KIF26B: variants seen among roughly 807,000 people sequenced by gnomAD.
The protein encoded by KIF26B is kinesin family member 26B.
In KIF26B, 63 loss-of-function variants were observed where a neutral mutation model predicts 151.2. The ratio of observed to expected loss-of-function variants is 0.42; its 90% CI spans 0.34 to 0.51. KIF26B has a LOEUF of 0.51. Among genes scored for constraint, KIF26B ranks in the 20% least tolerant of loss-of-function variants. The pLI is 0.07. For missense variants in KIF26B, 2,813 were observed against 2,913.6 expected (o/e 0.97, Z 0.79); for synonymous variants, 1,357 against 1,262.1 (o/e 1.08, Z -1.59).
chr1:245,521,331 A>G (rs1572103837), intron 4 of KIF26B, among the ~76,000 whole-genome samples: 2 of 144,084 alleles, frequency 1.4e-5, no homozygotes, highest in East Asian at 2.2e-4. Flanking sequence ...ACAGAGCGAG[A>G]CTCCGTCTTA....
At chr1:245,276,500 T>G (rs901821346) in intron 2 of KIF26B, among the ~76,000 whole-genome samples, 28 of 152,198 alleles carry the variant, frequency 1.8e-4, no homozygotes, top group African/African-American at 6.5e-4. Flanking sequence ...CCATTTCCTT[T>G]ATTCTCAGCA....
rs749989555 is a variant in KIF26B, at chr1:245,685,458, C to T, written c.2475C>T (p.Arg825=). 1.9e-6 allele frequency: 3 copies of T among 1,613,574 alleles called. No homozygotes were observed. The African/African-American group carries it at 4.0e-5, about 22-fold the overall frequency. Residue 825 remains arginine, a synonymous_variant, in exon 12 of 15, where the codon CGC becomes CGT. Coordinates refer to ENST00000407071, the MANE Select transcript of KIF26B (RefSeq NM_018012.4). ...GCTCCTGCGAAGAAGGCCGCATGCG[C>T]AGGCCCACCCAGCTGAGACCCTTCC... The part of the protein sequence containing the change: ...GESSCEEGRM[R]RPTQLRPFHT...
Position 245,155,321 on chromosome 1 carries a change from GCTGAGAGCCAGCCCC to G in KIF26B, c.-100_-86del, listed in dbSNP as rs2103514259. On this transcript the variant is annotated 5_prime_UTR_variant, in exon 1 of 15. Transcript: ENST00000407071. ...CCGCTGAAGAAACCTTGCCCTGAGG[GCTGAGAGCCAGCCCC>G]CTGCAGCCGGGGGACGCTTCTGGGT... 1 of 918,376 alleles carries G rather than the reference GCTGAGAGCCAGCCCC, an allele frequency of 1.1e-6. No homozygotes were observed. The highest frequency in any genetic ancestry group is 1.7e-6 in the Non-Finnish European group (1 of 579,954). The allele number at this position is 918,376 out of a possible 1,614,324, so 56.9% of individuals were successfully genotyped here.
At position 245,640,144 on chromosome 1, in the gene KIF26B, T is replaced by TCTCTCTCTCTCTCTCTCTCTCTCTCTAA. The variant is rs1558247536; in HGVS notation, c.2099-5977_2099-5976insCTCTCTCTCTCTCTCTCTCTCTCTCTAA. 3.0e-4 allele frequency among the ~76,000 whole-genome samples: 22 copies of TCTCTCTCTCTCTCTCTCTCTCTCTCTAA among 73,242 alleles called. 1 individual carries two copies. The highest frequency in any genetic ancestry group is 1.3e-3 in the African/African-American group (21 of 16,224). The allele number at this position is 73,242 out of a possible 152,430, so 48.0% of individuals were successfully genotyped here. A position where few individuals can be genotyped will look rare whatever the true frequency, so the allele number is the denominator to read the frequency against. ...TTTGCTCTCTCTCTCTCTCTCTCTC[T>TCTCTCTCTCTCTCTCTCTCTCTCTCTAA]ATATATATATATATATACCCTGCTA... On this transcript the variant is annotated intron_variant, in intron 9 of 14. Transcript: ENST00000407071.
intron 9 of KIF26B, among the ~76,000 whole-genome samples, chr1:245,639,558 GGTT>G (rs2043866952): frequency 6.6e-6 from 1 of 151,668 alleles, no homozygotes; most frequent in Non-Finnish European, 1.5e-5. Flanking sequence ...TGCAACATTA[GGTT>G]GTTTATATTT....
rs778784528 is a variant in KIF26B, at chr1:245,169,335, GT to G, written c.465+12653del. ...GACTTTCTAACGGGCCATGGTGTGTGTGTGTGTGTGTGTGTGTGTGTGTGTG... is the reference window on the plus strand; with the variant it reads ...GACTTTCTAACGGGCCATGGTGTGTGGTGTGTGTGTGTGTGTGTGTGTGTG... On this transcript the variant is annotated intron_variant, in intron 2 of 14. Transcript: ENST00000407071. Among the ~76,000 whole-genome samples the G allele has an allele frequency of 2.3e-3, 340 of 147,492 alleles. 4 individuals carry two copies. Among genetic ancestry groups the G allele is most frequent in the Middle Eastern group, 3.5e-3 (1 of 288 alleles).
At chr1:245,273,050 T>G (rs1399989897) in intron 2 of KIF26B, among the ~76,000 whole-genome samples, 1 of 152,188 alleles carries the variant, frequency 6.6e-6, no homozygotes, top group African/African-American at 2.4e-5. Flanking sequence ...TGTAGTGTTC[T>G]TCAAGTCCTC....
At chr1:245,222,643 A>G (rs10802200) in intron 2 of KIF26B, among the ~76,000 whole-genome samples, 64,910 of 151,960 alleles carry the variant, frequency 0.43, 14,646 homozygotes, top group East Asian at 0.61. Flanking sequence ...TACTTGTACA[A>G]GAATATTCAT....
At chr1:245,280,217 T>C (rs1332005508) in intron 2 of KIF26B, among the ~76,000 whole-genome samples, 1 of 151,932 alleles carries the variant, frequency 6.6e-6, no homozygotes, top group African/African-American at 2.4e-5. Flanking sequence ...GTAGGAGTTA[T>C]TAAGAAATTA....
chr1:245,700,753 GA>G (rs1350016120), intron 14 of KIF26B, among the ~76,000 whole-genome samples: 4 of 152,192 alleles, frequency 2.6e-5, no homozygotes, highest in African/African-American at 7.2e-5. Flanking sequence ...CTAGTCCTGC[GA>G]GGGCCTTTCA....
intron 4 of KIF26B, among the ~76,000 whole-genome samples, chr1:245,432,976 A>G (rs1658816340): frequency 6.6e-6 from 1 of 152,220 alleles, no homozygotes; most frequent in South Asian, 2.1e-4. Flanking sequence ...AAAGGGAAAT[A>G]ATGAATGTTT....
chr1:245,189,318 A>G (rs1669054393), intron 2 of KIF26B, among the ~76,000 whole-genome samples: 1 of 152,218 alleles, frequency 6.6e-6, no homozygotes, highest in South Asian at 2.1e-4. Context: ...CAGGTCTGGA[A>G]AGTGAACTCT....
chr1:245,478,760 C>T (rs1660099097), intron 4 of KIF26B, among the ~76,000 whole-genome samples: 1 of 151,558 alleles, frequency 6.6e-6, no homozygotes, highest in Non-Finnish European at 1.5e-5. Flanking sequence ...TGTTGGGTAT[C>T]GACTGTGGGT....
At chr1:245,487,412 C>T (rs776369388) in intron 4 of KIF26B, among the ~76,000 whole-genome samples, 1 of 152,116 alleles carries the variant, frequency 6.6e-6, no homozygotes, top group Non-Finnish European at 1.5e-5. Context: ...AAGCACAGGG[C>T]CTACGTGCTG....
chr1:245,464,326 C>T (rs1210958113), intron 4 of KIF26B, among the ~76,000 whole-genome samples: 1 of 152,118 alleles, frequency 6.6e-6, no homozygotes, highest in African/African-American at 2.4e-5. Context: ...TCCCGTCCCC[C>T]GACCCAGTGA....
chr1:245,321,593 A>G (rs1048391012), intron 2 of KIF26B, among the ~76,000 whole-genome samples: 5 of 152,232 alleles, frequency 3.3e-5, no homozygotes, highest in Non-Finnish European at 7.3e-5. Flanking sequence ...AATGATGACT[A>G]TTAGGAGATA....
chr1:245,699,143 C>T, intron 14 of KIF26B, 106 bp downstream of exon 14: 1 of 1,216,666 alleles, frequency 8.2e-7, no homozygotes, highest in Non-Finnish European at 1.2e-6. Flanking sequence ...TCCTCGTCCT[C>T]AGTCACAGGA....
chr1:245,351,145 C>T (rs56246227), intron 2 of KIF26B, among the ~76,000 whole-genome samples: 31,728 of 152,080 alleles, frequency 0.21, 7,252 homozygotes, highest in African/African-American at 0.56. Context: ...TAGCTGAGCG[C>T]GTTTCCCTGT....
Position 245,675,104 on chromosome 1 carries a change from C to T in KIF26B, c.2259-9129C>T, listed in dbSNP as rs761374696. On this transcript the variant is annotated intron_variant, in intron 10 of 14. Transcript: ENST00000407071. ...GATTAAAATCAGCCAAAGGAAGAGA[C>T]ACATGGGGCAGAATCTAGGACGGTT... Among the ~76,000 whole-genome samples, 141 of 152,296 alleles carry T rather than the reference C, an allele frequency of 9.3e-4. 2 individuals carry two copies. Among genetic ancestry groups the T allele is most frequent in the South Asian group, 1.9e-3 (9 of 4,816 alleles).
Sources: gnomAD v4.1 joint callset for allele counts (sites outside exome capture counted in the v4.1 genomes callset) on GRCh38, gnomAD v4.1.1 for gene constraint, MANE v1.5 for transcripts, NCBI Gene and HGNC (gene_info 2026-07-23, HGNC 2026-07-21) for gene names.